The following MSRB3 variants were observed in gnomAD, a reference collection of about 807,000 sequenced individuals.
The protein encoded by MSRB3 is methionine-R-sulfoxide reductase B3.
In MSRB3, 13 loss-of-function variants were observed where a neutral mutation model predicts 21.0. That is an observed-to-expected ratio of 0.62 (90% CI 0.40 to 0.98). The LOEUF is 0.98. Ranked by LOEUF, MSRB3 falls within the 50% of genes least tolerant of loss-of-function variation. The pLI, the probability that MSRB3 is intolerant of heterozygous loss-of-function variation, is 0.00. For synonymous variants in MSRB3, 87 were observed against 88.6 expected, an observed-to-expected ratio of 0.98 and a Z score of 0.10; for missense variants, 199 against 230.3, an observed-to-expected ratio of 0.86 and a Z score of 0.88.
At chr12:65,402,274 A>T (rs1211225786) in intron 5 of MSRB3, among the ~76,000 whole-genome samples, 1 of 152,108 alleles carries the variant, frequency 6.6e-6, no homozygotes, top group African/African-American at 2.4e-5. Context: ...GGGTCTTTTC[A>T]TATAGTCCCA....
chr12:65,343,992 C>T (rs1051828304), intron 4 of MSRB3: 1 of 152,108 alleles, frequency 6.6e-6, no homozygotes, highest in African/African-American at 2.4e-5. Flanking sequence ...GAATAAGCTA[C>T]TTAACCTCTA....
chr12:65,296,614 T>C (rs780264699), intron 1 of MSRB3, among the ~76,000 whole-genome samples: 4 of 152,206 alleles, frequency 2.6e-5, no homozygotes, highest in Non-Finnish European at 5.9e-5. Flanking sequence ...CTCTTTCCTG[T>C]ATACTGCACT....
rs189778860 is a variant in MSRB3 at position 65,282,595 on chromosome 12, T to C, written c.-52+3730T>C. On this transcript the variant is annotated intron_variant, in intron 1 of 6. Coordinates refer to ENST00000308259, the MANE Select transcript of MSRB3 (RefSeq NM_001031679.3). Reference sequence around the variant, plus strand: ...GGAAGTCAAATGCAGGCAGACCTCATTTAGGGCCTGAGATAAGGGACTGGA... The same window carrying C: ...GGAAGTCAAATGCAGGCAGACCTCACTTAGGGCCTGAGATAAGGGACTGGA... Among the ~76,000 whole-genome samples, 5 of 152,182 alleles carry C rather than the reference T, an allele frequency of 3.3e-5. No homozygotes were observed. The East Asian group carries it at 9.7e-4, about 29-fold the overall frequency.
chr12:65,294,347 A>G (rs1339762287), intron 1 of MSRB3, among the ~76,000 whole-genome samples: 1 of 152,212 alleles, frequency 6.6e-6, no homozygotes, highest in East Asian at 1.9e-4. Context: ...TTGCAGTAAC[A>G]ATATTTGTGC....
chr12:65,330,773 A>G (rs1354518945), intron 4 of MSRB3, among the ~76,000 whole-genome samples: 1 of 152,148 alleles, frequency 6.6e-6, no homozygotes, highest in Non-Finnish European at 1.5e-5. Context: ...AAAATAGTGA[A>G]ATCGTATTTC....
chr12:65,406,974 C>T (rs1231282989), intron 5 of MSRB3, among the ~76,000 whole-genome samples: 1 of 152,160 alleles, frequency 6.6e-6, no homozygotes, highest in Non-Finnish European at 1.5e-5. Flanking sequence ...CTTGGACTTC[C>T]CAGCCTCCAG....
Position 65,368,995 on chromosome 12 carries a change from C to A in MSRB3, c.264-3C>A. 4 of 1,374,064 alleles carry A rather than the reference C, an allele frequency of 2.9e-6. No homozygotes were observed. Among genetic ancestry groups the A allele is most frequent in the Non-Finnish European group, 3.9e-6 (4 of 1,028,654 alleles). The allele number at this position is 1,374,064 out of a possible 1,614,324, so 85.1% of individuals were successfully genotyped here. ...ATTGTAAAAACTTTCTTTCTCTTTGCAGGTCAGAAACCAAATTTGACTCCG... is the reference window on the plus strand; with the variant it reads ...ATTGTAAAAACTTTCTTTCTCTTTGAAGGTCAGAAACCAAATTTGACTCCG... On this transcript the variant is annotated splice_region_variant and splice_polypyrimidine_tract_variant and intron_variant, in intron 4 of 6. Transcript: ENST00000308259.
intron 4 of MSRB3, among the ~76,000 whole-genome samples, chr12:65,361,035 T>C (rs1358419694): frequency 1.3e-5 from 2 of 152,168 alleles, no homozygotes; most frequent in Non-Finnish European, 2.9e-5. Flanking sequence ...ACATAAGATC[T>C]TAACCAAAGT....
chr12:65,411,521 A>G (rs1044518344), intron 5 of MSRB3, among the ~76,000 whole-genome samples: 1 of 152,150 alleles, frequency 6.6e-6, no homozygotes, highest in Non-Finnish European at 1.5e-5. Context: ...AAAACTTGCA[A>G]TAATCACCAT....
chr12:65,458,362 G>C (rs966099735), intron 6 of MSRB3, among the ~76,000 whole-genome samples: 2 of 152,130 alleles, frequency 1.3e-5, no homozygotes, highest in Non-Finnish European at 2.9e-5. Flanking sequence ...GCCTACCACC[G>C]CTTTACAGTA....
chr12:65,364,788 A>G (rs1054678425), intron 4 of MSRB3, among the ~76,000 whole-genome samples: 5 of 152,168 alleles, frequency 3.3e-5, no homozygotes, highest in African/African-American at 1.2e-4. Context: ...GTAAAATCTA[A>G]TAGGAATCTG....
chr12:65,386,607 C>T (rs1879207405), intron 5 of MSRB3, among the ~76,000 whole-genome samples: 1 of 151,884 alleles, frequency 6.6e-6, no homozygotes, highest in Non-Finnish European at 1.5e-5. Context: ...TGAGAAGGAA[C>T]ATATTAAATA....
intron 4 of MSRB3, among the ~76,000 whole-genome samples, chr12:65,347,315 G>A (rs1442974936): frequency 1.3e-5 from 2 of 152,058 alleles, no homozygotes; most frequent in African/African-American, 4.8e-5. Context: ...CTTGTAAGTT[G>A]GATTCCTAGG....
intron 1 of MSRB3, among the ~76,000 whole-genome samples, chr12:65,295,304 C>T (rs1872898838): frequency 6.6e-6 from 1 of 152,196 alleles, no homozygotes; most frequent in Non-Finnish European, 1.5e-5. Flanking sequence ...GTCTTTTTCT[C>T]TGCCTTGCCT....
At chr12:65,285,827 A>G (rs2136386613) in intron 1 of MSRB3, 1 of 152,338 alleles carries the variant, frequency 6.6e-6, no homozygotes, top group Admixed American at 6.5e-5. Flanking sequence ...CTCAGAAAAC[A>G]AACAAAAATC....
chr12:65,418,844 T>C, intron 5 of MSRB3: 1 of 830,602 alleles, frequency 1.2e-6, no homozygotes, highest in Non-Finnish European at 2.1e-6. Context: ...TCACCAAGAC[T>C]GAAGTCCTTG....
At chr12:65,349,498 T>G in intron 4 of MSRB3, among the ~76,000 whole-genome samples, 2 of 151,068 alleles carry the variant, frequency 1.3e-5, no homozygotes, top group African/African-American at 4.9e-5. Flanking sequence ...ACTTCCACAA[T>G]GGATGAACTA....
chr12:65,409,027 T>C (rs1480431090), intron 5 of MSRB3, among the ~76,000 whole-genome samples: 3 of 152,266 alleles, frequency 2.0e-5, no homozygotes, highest in South Asian at 2.1e-4. Context: ...AGTGTGTCCC[T>C]TCCTTCCAAA....
intron 1 of MSRB3, among the ~76,000 whole-genome samples, chr12:65,305,487 T>C (rs1339813789): frequency 1.3e-5 from 2 of 152,170 alleles, no homozygotes; most frequent in African/African-American, 4.8e-5. Flanking sequence ...TGTGTAGTGG[T>C]CAAGAGCACT....
Sources: allele counts gnomAD v4.1 joint callset (sites outside exome capture counted in the v4.1 genomes callset), GRCh38; gene constraint gnomAD v4.1.1; transcripts MANE v1.5; gene names NCBI Gene and HGNC (gene_info 2026-07-23, HGNC 2026-07-21).